Variants in TMEM131L observed in about 807,000 individuals in gnomAD.
TMEM131L encodes transmembrane protein 131-like.
In TMEM131L, 54 loss-of-function variants were observed where a neutral mutation model predicts 192.2. The ratio of observed to expected loss-of-function variants is 0.28; its 90% confidence interval spans 0.23 to 0.35. The LOEUF (loss-of-function observed/expected upper bound fraction) is 0.35. Among genes scored for constraint, TMEM131L ranks in the 10% least tolerant of loss-of-function variants. The pLI is 1.00. For synonymous variants in TMEM131L, 701 were observed against 704.9 expected, an observed-to-expected ratio of 0.99 and a Z score of 0.09; for missense variants, 1,888 against 1,972.9, an observed-to-expected ratio of 0.96 and a Z score of 0.82.
At chr4:153,528,289 A>G (rs1409773032) in intron 3 of TMEM131L, among the ~76,000 whole-genome samples, 2 of 152,250 alleles carry the variant, frequency 1.3e-5, no homozygotes, top group East Asian at 3.8e-4. Flanking sequence ...AGCTCCCAGC[A>G]GTTGGCATTG....
intron 3 of TMEM131L, among the ~76,000 whole-genome samples, chr4:153,488,757 G>A (rs10213539): frequency 0.01 from 1,533 of 152,282 alleles, 21 homozygotes; most frequent in African/African-American, 0.035. Flanking sequence ...CTCACAGTCC[G>A]GTGGCTGGAA....
At chr4:153,525,348 C>CT (rs889749625) in intron 3 of TMEM131L, among the ~76,000 whole-genome samples, 20 of 151,602 alleles carry the variant, frequency 1.3e-4, no homozygotes, top group Admixed American at 5.3e-4. Context: ...CTTTCAGTTT[C>CT]TTTTTTTTTG....
chr4:153,497,232 G>A (rs1733241642), intron 3 of TMEM131L, among the ~76,000 whole-genome samples: 1 of 152,182 alleles, frequency 6.6e-6, no homozygotes, highest in South Asian at 2.1e-4. Context: ...ATGCCCGTGA[G>A]TGTGTGCTGC....
At chr4:153,564,623 T>A (rs562890124) in intron 7 of TMEM131L, among the ~76,000 whole-genome samples, 1 of 152,344 alleles carries the variant, frequency 6.6e-6, no homozygotes, top group Non-Finnish European at 1.5e-5. Context: ...GTGATGAAAG[T>A]CACTGTCGTG....
At chr4:153,522,850 C>T (rs749309863) in intron 3 of TMEM131L, among the ~76,000 whole-genome samples, 2 of 152,180 alleles carry the variant, frequency 1.3e-5, no homozygotes, top group African/African-American at 2.4e-5. Context: ...TCCCCATCCT[C>T]CCACTATCAC....
At chr4:153,508,650 G>A (rs572986193) in intron 3 of TMEM131L, among the ~76,000 whole-genome samples, 9 of 151,540 alleles carry the variant, frequency 5.9e-5, no homozygotes, top group South Asian at 4.2e-4. Flanking sequence ...TCCTTGAATT[G>A]AGAGATGTGA....
Position 153,604,345 on chromosome 4 carries a change from C to T in TMEM131L, c.3333C>T (p.Ser1111=). 2 of 1,614,046 alleles carry T rather than the reference C, an allele frequency of 1.2e-6. No individual in the cohort carries two copies. ...KERELCPLKT[S]KKLPENHLPR... is the part of the protein sequence containing the mutation. ...GGGAGCTCTGTCCACTGAAGACCTC[C>T]AAGAAACTACCTGAAAACCATTTAC... The change falls in exon 25 of 35, where the codon TCC becomes TCT. Residue 1111 remains serine, a synonymous_variant. Coordinates refer to ENST00000409959, the MANE Select transcript of TMEM131L (RefSeq NM_001131007.2).
At chr4:153,529,838 A>G (rs1354005926) in intron 3 of TMEM131L, among the ~76,000 whole-genome samples, 1 of 152,216 alleles carries the variant, frequency 6.6e-6, no homozygotes, top group Non-Finnish European at 1.5e-5. Flanking sequence ...CACACAGTGT[A>G]TTAAGTAAGA....
rs1264846295 is a variant in TMEM131L at position 153,549,946 on chromosome 4, T to C, written c.240-127T>C. 12 of 437,008 alleles carry C rather than the reference T, an allele frequency of 2.7e-5. No individual in the cohort carries two copies. In the Admixed American group the frequency reaches 5.2e-4, roughly 19 times the overall value. 27.1% of individuals were successfully genotyped at this position (437,008 alleles called of 1,614,324 possible). On this transcript the variant is annotated intron_variant, in intron 3 of 34. Transcript: ENST00000409959. ...CCAGACTTCTAATAGTTCAATTTTATCATTTAAAATCTATGAGGGAGTAAA... is the reference window on the plus strand; with the variant it reads ...CCAGACTTCTAATAGTTCAATTTTACCATTTAAAATCTATGAGGGAGTAAA...
At chr4:153,538,649 A>G (rs1736524589) in intron 3 of TMEM131L, among the ~76,000 whole-genome samples, 1 of 152,224 alleles carries the variant, frequency 6.6e-6, no homozygotes, top group Non-Finnish European at 1.5e-5. Context: ...GGCTGGAGTG[A>G]TGAGGCCATG....
At chr4:153,467,341 C>A in intron 2 of TMEM131L, 60 bp downstream of exon 2, 36 of 1,400,114 alleles carry the variant, frequency 2.6e-5, no homozygotes, top group Non-Finnish European at 3.6e-5. Flanking sequence ...GGCGGGGAGG[C>A]CCCCGGTCCT....
Position 153,590,668 on chromosome 4 carries a change from T to A in TMEM131L, c.1671-385T>A, listed in dbSNP as rs9884780. Among the ~76,000 whole-genome samples, 1,292 of 151,216 alleles carry A rather than the reference T, an allele frequency of 8.5e-3. 12 individuals carry two copies. Among genetic ancestry groups the A allele is most frequent in the African/African-American group, 0.029 (1,204 of 41,326 alleles). On this transcript the variant is annotated intron_variant, in intron 16 of 34. Coordinates refer to ENST00000409959, the MANE Select transcript of TMEM131L (RefSeq NM_001131007.2). ...TGTTCATTCTACATTTATTGGCAGA[T>A]TTTTTTTTTCTAAAAGAGTGTTTCT...
chr4:153,548,093 T>C (rs1737327201), intron 3 of TMEM131L, among the ~76,000 whole-genome samples: 1 of 152,174 alleles, frequency 6.6e-6, no homozygotes, highest in Non-Finnish European at 1.5e-5. Context: ...GTGGACCTGC[T>C]GTGGGCACCT....
chr4:153,506,085 T>C (rs1478483122), intron 3 of TMEM131L, among the ~76,000 whole-genome samples: 1 of 152,146 alleles, frequency 6.6e-6, no homozygotes, highest in Non-Finnish European at 1.5e-5. Context: ...TGAAAAACAA[T>C]AGTAGAGTCG....
intron 34 of TMEM131L, among the ~76,000 whole-genome samples, chr4:153,635,952 G>C (rs2126958101): frequency 6.6e-6 from 1 of 152,250 alleles, no homozygotes; most frequent in African/African-American, 2.4e-5. Flanking sequence ...GTCAGTGGGT[G>C]GTCAGGGTCC....
At chr4:153,592,329 C>A in intron 17 of TMEM131L, 146 bp from the exon 18 acceptor site, 1 of 587,880 alleles carries the variant, frequency 1.7e-6, no homozygotes, top group Non-Finnish European at 3.0e-6. Context: ...ATTTTTGAAG[C>A]GTGCTGGCCA....
intron 7 of TMEM131L, among the ~76,000 whole-genome samples, chr4:153,578,751 A>G (rs1030086232): frequency 6.6e-6 from 1 of 151,518 alleles, no homozygotes; most frequent in Non-Finnish European, 1.5e-5. Flanking sequence ...TGATCTCCTG[A>G]CCCCGTGATC....
chr4:153,580,689 C>A (rs1730269508), intron 7 of TMEM131L, 137 bp from the exon 8 acceptor site: 1 of 584,374 alleles, frequency 1.7e-6, no homozygotes. Flanking sequence ...GAATAATGCC[C>A]AGCATTTAGC....
At chr4:153,574,173 A>G (rs995972347) in intron 7 of TMEM131L, among the ~76,000 whole-genome samples, 7 of 152,332 alleles carry the variant, frequency 4.6e-5, no homozygotes, top group Admixed American at 2.0e-4. Context: ...GAAAAATGCT[A>G]TCCATATGCA....
Sources: gnomAD v4.1 joint callset for allele counts (sites outside exome capture counted in the v4.1 genomes callset) on GRCh38, gnomAD v4.1.1 for gene constraint, MANE v1.5 for transcripts, NCBI Gene and HGNC (gene_info 2026-07-23, HGNC 2026-07-21) for gene names.